RBFOX1: variants seen among roughly 807,000 people sequenced by gnomAD.
The protein encoded by RBFOX1 is RNA binding fox-1 homolog 1.
RBFOX1 carries 8 observed loss-of-function variants against 57.7 expected under a neutral mutation model. That is an observed-to-expected ratio of 0.14 (90% confidence interval 0.08 to 0.25). RBFOX1 has a LOEUF of 0.25. RBFOX1 is among the 10% of genes least tolerant of loss of function. RBFOX1 has a pLI of 1.00. For synonymous variants in RBFOX1, 326 were observed against 222.4 expected, an observed-to-expected ratio of 1.47 and a Z score of -4.15; for missense variants, 611 against 548.5, an observed-to-expected ratio of 1.11 and a Z score of -1.14.
At chr16:7,665,071 C>G in intron 13 of RBFOX1, 103 bp downstream of exon 13, 1 of 1,606,184 alleles carries the variant, frequency 6.2e-7, no homozygotes, top group Non-Finnish European at 8.5e-7. Context: ...GAGTTTCTCT[C>G]CTTGGTCTGT....
chr16:5,390,759 G>T (rs1028636372), intron 1 of RBFOX1, among the ~76,000 whole-genome samples: 1 of 152,152 alleles, frequency 6.6e-6, no homozygotes, highest in Admixed American at 6.5e-5. Flanking sequence ...TGGGTCAAAT[G>T]AATTGTTCCA....
intron 13 of RBFOX1, chr16:7,671,594 C>A: frequency 6.2e-7 from 1 of 1,611,692 alleles, no homozygotes. Context: ...CAATAAATTG[C>A]TGCAGGTATG....
intron 2 of RBFOX1, among the ~76,000 whole-genome samples, chr16:6,644,879 C>T (rs2098521170): frequency 6.6e-6 from 1 of 152,290 alleles, no homozygotes; most frequent in Admixed American, 6.5e-5. Context: ...GCCAAGCATC[C>T]TGCAAGAGAG....
At chr16:7,636,113 G>C (rs951564093) in intron 11 of RBFOX1, among the ~76,000 whole-genome samples, 1 of 152,204 alleles carries the variant, frequency 6.6e-6, no homozygotes, top group Non-Finnish European at 1.5e-5. Flanking sequence ...CCCAGCCCAA[G>C]CTACCTCTTT....
chr16:6,007,528 G>C (rs2094934841), intron 4 of RBFOX1, among the ~76,000 whole-genome samples: 1 of 152,214 alleles, frequency 6.6e-6, no homozygotes, highest in South Asian at 2.1e-4. Flanking sequence ...GAGGTACCCA[G>C]TAGAGCCATG....
At chr16:6,985,853 T>A (rs1485145989) in intron 3 of RBFOX1, among the ~76,000 whole-genome samples, 1 of 26,148 alleles carries the variant, frequency 3.8e-5, no homozygotes, top group East Asian at 9.0e-4. Flanking sequence ...AAAAACAGAA[T>A]TTTTTTTTCT....
At chr16:6,863,666 TC>T (rs1354064325) in intron 3 of RBFOX1, among the ~76,000 whole-genome samples, 105 of 86,004 alleles carry the variant, frequency 1.2e-3, no homozygotes, top group Admixed American at 2.6e-3. Flanking sequence ...TTTTTTTTTT[TC>T]CTTAAAAAAA....
intron 3 of RBFOX1, among the ~76,000 whole-genome samples, chr16:7,015,889 T>C (rs1461472635): frequency 6.6e-6 from 1 of 152,140 alleles, no homozygotes; most frequent in African/African-American, 2.4e-5. Context: ...TCTATAGAGG[T>C]AAGCAACGTG....
chr16:5,990,992 A>T (rs1222667236), intron 4 of RBFOX1, among the ~76,000 whole-genome samples: 1 of 152,150 alleles, frequency 6.6e-6, no homozygotes, highest in African/African-American at 2.4e-5. Context: ...AAAAAAATAC[A>T]TTTGGTTATG....
chr16:5,821,319 G>A (rs575670387), intron 3 of RBFOX1, among the ~76,000 whole-genome samples: 18 of 140,930 alleles, frequency 1.3e-4, no homozygotes, highest in African/African-American at 3.2e-4. Flanking sequence ...TTTTTGAGAC[G>A]GAGTCTTGCT....
chr16:6,040,297 C>T (rs1048892358), intron 1 of RBFOX1, among the ~76,000 whole-genome samples: 5 of 152,172 alleles, frequency 3.3e-5, no homozygotes, highest in East Asian at 1.9e-4. Context: ...CACTATCACC[C>T]GTCTCCAGAA....
chr16:5,702,484 C>G (rs1016022039), intron 3 of RBFOX1, among the ~76,000 whole-genome samples: 1 of 152,192 alleles, frequency 6.6e-6, no homozygotes, highest in African/African-American at 2.4e-5. Context: ...AATCAATTAG[C>G]TAGGCCAGCG....
intron 2 of RBFOX1, among the ~76,000 whole-genome samples, chr16:6,630,508 C>A (rs947875783): frequency 6.6e-6 from 1 of 152,070 alleles, no homozygotes; most frequent in Non-Finnish European, 1.5e-5. Flanking sequence ...GGTCTTATTT[C>A]GTACTTAAAA....
chr16:7,193,873 A>G (rs1364254243), intron 4 of RBFOX1, among the ~76,000 whole-genome samples: 3 of 152,240 alleles, frequency 2.0e-5, no homozygotes, highest in Admixed American at 6.5e-5. Context: ...ATGACAGACT[A>G]AAATCTTCTT....
At chr16:7,165,924 G>C (rs969035843) in intron 4 of RBFOX1, among the ~76,000 whole-genome samples, 1 of 104,812 alleles carries the variant, frequency 9.5e-6, no homozygotes, top group Non-Finnish European at 1.9e-5. Flanking sequence ...GCACCCCACC[G>C]CATGCACATA....
chr16:7,264,587 G>A (rs2095056822), intron 4 of RBFOX1, among the ~76,000 whole-genome samples: 4 of 152,184 alleles, frequency 2.6e-5, no homozygotes, highest in Admixed American at 2.6e-4. Flanking sequence ...TAGATAACAT[G>A]CAAAGAAATA....
intron 2 of RBFOX1, among the ~76,000 whole-genome samples, chr16:6,645,825 A>T (rs2098529767): frequency 6.6e-6 from 1 of 152,194 alleles, no homozygotes; most frequent in South Asian, 2.1e-4. Context: ...CAAACGAGGC[A>T]ACCATGATTG....
chr16:7,175,987 G>T (rs946401191), intron 4 of RBFOX1, among the ~76,000 whole-genome samples: 1 of 151,940 alleles, frequency 6.6e-6, no homozygotes, highest in African/African-American at 2.4e-5. Flanking sequence ...GTATCTGGGA[G>T]GTGCGTGCTT....
intron 4 of RBFOX1, among the ~76,000 whole-genome samples, chr16:5,922,718 C>G (rs2058851392): frequency 6.6e-6 from 1 of 152,234 alleles, no homozygotes; most frequent in South Asian, 2.1e-4. Context: ...TTTCCATAAA[C>G]TCTTCCAACC....
Sources: allele counts gnomAD v4.1 joint callset (sites outside exome capture counted in the v4.1 genomes callset), GRCh38; gene constraint gnomAD v4.1.1; transcripts MANE v1.5; gene names NCBI Gene and HGNC (gene_info 2026-07-23, HGNC 2026-07-21).